TYW1: variants seen among roughly 807,000 people sequenced by gnomAD.
TYW1 encodes S-adenosyl-L-methionine-dependent tRNA 4-demethylwyosine synthase TYW1.
Under a neutral mutation model 96.2 loss-of-function variants are expected in TYW1, and 46 were observed. That is an observed-to-expected ratio of 0.48 (90% CI 0.38 to 0.61). The LOEUF (loss-of-function observed/expected upper bound fraction) is 0.61. Ranked by LOEUF, TYW1 falls within the 20% of genes least tolerant of loss-of-function variation. TYW1 has a pLI of 0.00. For missense variants in TYW1, 684 were observed against 909.6 expected (o/e 0.75, Z 3.19); for synonymous variants, 274 against 323.0 (o/e 0.85, Z 1.63).
chr7:67,227,429 GT>G (rs1330305334), intron 15 of TYW1, among the ~76,000 whole-genome samples: 2 of 152,072 alleles, frequency 1.3e-5, no homozygotes, highest in African/African-American at 2.4e-5. Context: ...GCTAATTTTT[GT>G]ATTTTTAGTA....
chr7:67,103,384 A>G (rs1038011808), intron 12 of TYW1, among the ~76,000 whole-genome samples: 1 of 152,242 alleles, frequency 6.6e-6, no homozygotes, highest in African/African-American at 2.4e-5. Flanking sequence ...GATTTGAATT[A>G]TCTAGAAAAA....
At chr7:67,063,845 G>A (rs565099482) in intron 9 of TYW1, among the ~76,000 whole-genome samples, 23 of 140,276 alleles carry the variant, frequency 1.6e-4, no homozygotes, top group Admixed American at 3.5e-4. Flanking sequence ...CTTGTGATCC[G>A]CCCACCTCAG....
At chr7:67,050,536 C>T (rs1475750623) in intron 8 of TYW1, among the ~76,000 whole-genome samples, 3 of 152,028 alleles carry the variant, frequency 2.0e-5, no homozygotes, top group Non-Finnish European at 2.9e-5. Context: ...TCCCCCTCCC[C>T]ACTTCCCCTC....
chr7:67,162,395 G>A (rs1198823812), intron 13 of TYW1, among the ~76,000 whole-genome samples: 1 of 152,046 alleles, frequency 6.6e-6, no homozygotes, highest in African/African-American at 2.4e-5. Flanking sequence ...TTCCAGGGAG[G>A]GAGTATTTGC....
At chr7:67,055,334 C>T (rs59394774) in intron 8 of TYW1, among the ~76,000 whole-genome samples, 15,879 of 151,764 alleles carry the variant, frequency 0.1, 605 homozygotes, top group Middle Eastern at 0.15. Context: ...TGGTGGCTCA[C>T]GCTTGTAATC....
At chr7:67,202,417 G>A (rs1189776381) in intron 15 of TYW1, among the ~76,000 whole-genome samples, 2 of 151,892 alleles carry the variant, frequency 1.3e-5, no homozygotes, top group Middle Eastern at 3.2e-3. Flanking sequence ...TTGGAGACAG[G>A]GTCTCATCTC....
intron 12 of TYW1, 151 bp from the exon 13 acceptor site, chr7:67,117,332 T>C: frequency 1.3e-6 from 1 of 781,006 alleles, no homozygotes; most frequent in South Asian, 4.1e-5. Flanking sequence ...ATGATTAAAA[T>C]CATTAGTTCA....
At chr7:67,230,652 C>CTTTTTTTTTTTTTTTTTTTTTT in intron 15 of TYW1, among the ~76,000 whole-genome samples, 1 of 119,560 alleles carries the variant, frequency 8.4e-6, no homozygotes, top group Non-Finnish European at 1.7e-5. Context: ...CTTATTATCT[C>CTTTTTTTTTTTTTTTTTTTTTT]TTTTTTTTTT....
chr7:67,166,369 A>AC (rs1799330887), intron 13 of TYW1, among the ~76,000 whole-genome samples: 3 of 145,072 alleles, frequency 2.1e-5, no homozygotes, highest in African/African-American at 7.6e-5. Context: ...ATACATATAT[A>AC]CATGATTTTT....
At chr7:67,101,065 G>A (rs1418423786) in intron 12 of TYW1, among the ~76,000 whole-genome samples, 2 of 152,098 alleles carry the variant, frequency 1.3e-5, no homozygotes, top group Non-Finnish European at 2.9e-5. Flanking sequence ...TGCTTATGTG[G>A]GAGGGAGAGG....
chr7:67,076,273 A>G (rs1457386788), intron 10 of TYW1, among the ~76,000 whole-genome samples: 1 of 152,204 alleles, frequency 6.6e-6, no homozygotes, highest in East Asian at 1.9e-4. Context: ...TCCTTTGTTC[A>G]GTGTACTCTC....
intron 13 of TYW1, among the ~76,000 whole-genome samples, chr7:67,145,198 G>A (rs1381909918): frequency 7.1e-6 from 1 of 141,538 alleles, no homozygotes; most frequent in East Asian, 2.0e-4. Context: ...TCCCAGTCTG[G>A]AGTGCAGTGG....
intron 13 of TYW1, among the ~76,000 whole-genome samples, chr7:67,175,129 G>A (rs1486987911): frequency 6.6e-6 from 1 of 151,556 alleles, no homozygotes; most frequent in East Asian, 1.9e-4. Flanking sequence ...CTATTCCAGA[G>A]AGGAATAGTA....
Position 67,067,329 on chromosome 7 carries a change from T to A in TYW1, c.1200T>A (p.Tyr400Ter), listed in dbSNP as rs770778513. 5 of 1,613,884 alleles carry A rather than the reference T, an allele frequency of 3.1e-6. No individual in the cohort carries two copies. Among genetic ancestry groups the A allele is most frequent in the Non-Finnish European group, 8.5e-7 (1 of 1,179,874 alleles). Residue 400 changes from tyrosine to a stop codon, truncating the protein, a stop_gained, in exon 10 of 16, where the codon TAT becomes TAA. Transcript: ENST00000359626. LOFTEE classifies it high-confidence loss of function. ...GRGGCYKHTF[Y>*]GIESHRCMET... ...GAGGTTGTTACAAACACACATTCTA[T>A]GGAATTGAGAGCCATCGCTGCATGG...
rs528292147 is a variant in TYW1, at chr7:67,012,992, C to T, written c.376-1375C>T. The stretch of plus-strand genomic sequence containing the variant: ...ATACCTAGCCTGTATTTTGTATCCC[C>T]GGGATTTGCAACAGTTCTGTTTAGA... On this transcript the variant is annotated intron_variant, in intron 4 of 15. Transcript: ENST00000359626. 5.8e-3 allele frequency among the ~76,000 whole-genome samples: 884 copies of T among 151,866 alleles called. 7 individuals carry two copies. The highest frequency in any genetic ancestry group is 9.9e-3 in the Non-Finnish European group (672 of 67,954).
At chr7:67,188,816 A>G (rs1800110501) in intron 14 of TYW1, among the ~76,000 whole-genome samples, 1 of 152,100 alleles carries the variant, frequency 6.6e-6, no homozygotes, top group African/African-American at 2.4e-5. Context: ...TTGGCCCTAG[A>G]TTCACAGATA....
chr7:67,167,711 T>G (rs781418091), intron 13 of TYW1, among the ~76,000 whole-genome samples: 2 of 151,944 alleles, frequency 1.3e-5, no homozygotes, highest in African/African-American at 2.4e-5. Flanking sequence ...ATAAATTAAG[T>G]ATCCTTACAT....
intron 13 of TYW1, among the ~76,000 whole-genome samples, chr7:67,175,472 G>A (rs1194486259): frequency 1.3e-5 from 2 of 152,122 alleles, no homozygotes; most frequent in Non-Finnish European, 2.9e-5. Context: ...CGTCCAGCCA[G>A]TTCAGAATAT....
chr7:67,068,072 A>G (rs1795922051), intron 10 of TYW1, among the ~76,000 whole-genome samples: 1 of 143,242 alleles, frequency 7.0e-6, no homozygotes, highest in South Asian at 2.2e-4. Context: ...CCCAGGGTGG[A>G]GGGCAATGGC....
Sources: allele counts gnomAD v4.1 joint callset (sites outside exome capture counted in the v4.1 genomes callset), GRCh38; gene constraint gnomAD v4.1.1; transcripts MANE v1.5; gene names NCBI Gene and HGNC (gene_info 2026-07-23, HGNC 2026-07-21).